The following PPFIA2 variants were observed in gnomAD, a reference collection of about 807,000 sequenced individuals.
PPFIA2 encodes PPFI scaffold protein A2.
In PPFIA2, 46 loss-of-function variants were observed where a neutral mutation model predicts 175.5. That is an observed-to-expected ratio of 0.26 (90% CI 0.21 to 0.34). The LOEUF is 0.34. PPFIA2 is among the 10% of genes least tolerant of loss of function. The probability of loss-of-function intolerance (pLI) is 1.00; values close to 1 mark genes in which losing one functional copy is unlikely to be tolerated. For missense variants in PPFIA2, 1,179 were observed against 1,506.1 expected, an observed-to-expected ratio of 0.78 and a Z score of 3.60; for synonymous variants, 568 against 511.4, an observed-to-expected ratio of 1.11 and a Z score of -1.49.
rs888397539 is a variant in PPFIA2 at position 81,646,348 on chromosome 12, G to A, written c.303+30443C>T. ...GCACCCTAGACCCTCTAGAGAACAG[G>A]AAGGGAAATGAAGAAAGACCCAGTG... On this transcript the variant is annotated intron_variant, in intron 4 of 32. Transcript: ENST00000549396. Among the ~76,000 whole-genome samples the A allele has an allele frequency of 2.0e-5, 3 of 152,146 alleles. No individual in the cohort carries two copies. The East Asian group carries it at 5.8e-4, about 29-fold the overall frequency.
intron 4 of PPFIA2, among the ~76,000 whole-genome samples, chr12:81,618,780 C>T (rs11114936): frequency 0.064 from 9,673 of 151,736 alleles, 427 homozygotes; most frequent in East Asian, 0.25. Context: ...GATCCACCCG[C>T]CTCGGCCTCC....
chr12:81,681,524 T>C (rs888468318), intron 3 of PPFIA2, among the ~76,000 whole-genome samples: 1 of 152,034 alleles, frequency 6.6e-6, no homozygotes, highest in Non-Finnish European at 1.5e-5. Context: ...TTGAGGAGTC[T>C]ACATTGCACT....
intron 28 of PPFIA2, among the ~76,000 whole-genome samples, chr12:81,268,452 G>A (rs2038094174): frequency 6.6e-6 from 1 of 152,130 alleles, no homozygotes; most frequent in South Asian, 2.1e-4. Context: ...ATTTTTCATA[G>A]TAGAACCACT....
chr12:81,567,438 C>T (rs906117777), intron 4 of PPFIA2, among the ~76,000 whole-genome samples: 1 of 151,936 alleles, frequency 6.6e-6, no homozygotes, highest in Admixed American at 6.6e-5. Context: ...TATGCTGGGC[C>T]TTTAGATAGT....
chr12:81,541,835 G>C (rs1466430230), intron 4 of PPFIA2, among the ~76,000 whole-genome samples: 2 of 152,064 alleles, frequency 1.3e-5, no homozygotes, highest in African/African-American at 2.4e-5. Context: ...ATGGAATTGG[G>C]TAATTAAGTA....
chr12:81,536,241 T>A (rs761507748), intron 4 of PPFIA2, among the ~76,000 whole-genome samples: 1 of 151,764 alleles, frequency 6.6e-6, no homozygotes, highest in African/African-American at 2.4e-5. Flanking sequence ...GATAAATGTA[T>A]CATCTGTTCT....
At chr12:81,280,195 A>AT (rs1189633288) in intron 27 of PPFIA2, among the ~76,000 whole-genome samples, 1 of 152,194 alleles carries the variant, frequency 6.6e-6, no homozygotes, top group Non-Finnish European at 1.5e-5. Context: ...TTGTCAAGCC[A>AT]TTAACCAAAA....
chr12:81,274,445 C>T (rs939346191), intron 28 of PPFIA2, among the ~76,000 whole-genome samples: 6 of 152,112 alleles, frequency 3.9e-5, no homozygotes, highest in African/African-American at 1.4e-4. Flanking sequence ...AATATTTAAA[C>T]TGATCTGTTT....
rs143746664 is a variant in PPFIA2 at position 81,727,118 on chromosome 12, T to A, written c.249+26855A>T. On this transcript the variant is annotated intron_variant, in intron 3 of 32. Transcript: ENST00000549396. ...CAAAAGCTAATTGATGCAGCCCAAT[T>A]TAATGGTGCCTGAAAAGCATTAGGC... Among the ~76,000 whole-genome samples, 27 of 151,394 alleles carry A rather than the reference T, an allele frequency of 1.8e-4. No individual in the cohort carries two copies. The East Asian group carries it at 4.9e-3, about 27-fold the overall frequency.
At chr12:81,355,208 C>A (rs745760952) in intron 16 of PPFIA2, among the ~76,000 whole-genome samples, 1 of 152,132 alleles carries the variant, frequency 6.6e-6, no homozygotes, top group Non-Finnish European at 1.5e-5. Context: ...TCTGTCAGAG[C>A]TCTTGGGTGG....
At chr12:81,426,002 G>T (rs1259860160) in intron 7 of PPFIA2, among the ~76,000 whole-genome samples, 1 of 152,114 alleles carries the variant, frequency 6.6e-6, no homozygotes, top group Admixed American at 6.5e-5. Context: ...AGATAATCTT[G>T]TCATACCCAA....
At chr12:81,445,086 A>T (rs1566861733) in intron 6 of PPFIA2, among the ~76,000 whole-genome samples, 1 of 152,070 alleles carries the variant, frequency 6.6e-6, no homozygotes, top group Non-Finnish European at 1.5e-5. Context: ...GAGACATTAG[A>T]AAATAAGATG....
chr12:81,620,422 T>A (rs2061926208), intron 4 of PPFIA2, among the ~76,000 whole-genome samples: 1 of 151,980 alleles, frequency 6.6e-6, no homozygotes, highest in South Asian at 2.1e-4. Context: ...TAATGGATGT[T>A]TTAATGCATC....
intron 7 of PPFIA2, among the ~76,000 whole-genome samples, chr12:81,415,772 T>C (rs2045127653): frequency 6.6e-6 from 1 of 151,212 alleles, no homozygotes. Context: ...GTTTACACTA[T>C]CCATTTAACT....
intron 4 of PPFIA2, among the ~76,000 whole-genome samples, chr12:81,598,696 G>A (rs140531568): frequency 6.6e-6 from 1 of 150,626 alleles, no homozygotes; most frequent in East Asian, 1.9e-4. Flanking sequence ...TATTACAGCT[G>A]TTACAGCTGG....
At chr12:81,671,492 A>T (rs7310828) in intron 4 of PPFIA2, among the ~76,000 whole-genome samples, 138,954 of 151,968 alleles carry the variant, frequency 0.91, 63,684 homozygotes, top group East Asian at 1. Flanking sequence ...TTTGGAAGAA[A>T]GACTGCAAGT....
At chr12:81,619,970 T>C (rs928306083) in intron 4 of PPFIA2, among the ~76,000 whole-genome samples, 2 of 151,900 alleles carry the variant, frequency 1.3e-5, no homozygotes, top group Non-Finnish European at 2.9e-5. Flanking sequence ...CCATCCTGGC[T>C]AAGGCAGTGA....
chr12:81,671,233 T>C (rs2071351083), intron 4 of PPFIA2, among the ~76,000 whole-genome samples: 1 of 151,956 alleles, frequency 6.6e-6, no homozygotes, highest in Admixed American at 6.6e-5. Flanking sequence ...AATATCAGCC[T>C]TGACTTCTCA....
intron 17 of PPFIA2, among the ~76,000 whole-genome samples, chr12:81,351,862 A>C (rs1322481755): frequency 6.6e-6 from 1 of 151,512 alleles, no homozygotes; most frequent in Non-Finnish European, 1.5e-5. Flanking sequence ...GCCAGATCTG[A>C]GTTATGGCAC....
Sources: gnomAD v4.1 joint callset for allele counts (sites outside exome capture counted in the v4.1 genomes callset) on GRCh38, gnomAD v4.1.1 for gene constraint, MANE v1.5 for transcripts, NCBI Gene and HGNC (gene_info 2026-07-23, HGNC 2026-07-21) for gene names.